MDFIC2: variants seen among roughly 807,000 people sequenced by gnomAD.
MDFIC2 encodes the protein myoD family inhibitor domain-containing protein 2.
intron 2 of MDFIC2, among the ~76,000 whole-genome samples, chr3:70,283,403 G>T (rs1356050332): frequency 2.0e-5 from 3 of 152,062 alleles, no homozygotes; most frequent in Non-Finnish European, 4.4e-5. Flanking sequence ...TCAGGCTGAC[G>T]AATACTGAAA....
intron 2 of MDFIC2, among the ~76,000 whole-genome samples, chr3:70,299,501 A>G (rs1293488113): frequency 6.6e-6 from 1 of 152,120 alleles, no homozygotes; most frequent in East Asian, 1.9e-4. Context: ...TTCCCATTGA[A>G]TCCAGAAATC....
intron 2 of MDFIC2, among the ~76,000 whole-genome samples, chr3:70,283,420 CT>C (rs1702108622): frequency 1.3e-5 from 2 of 152,070 alleles, no homozygotes; most frequent in Admixed American, 6.6e-5. Flanking sequence ...GAAATTCTCC[CT>C]GGATACTGTA....
intron 2 of MDFIC2, among the ~76,000 whole-genome samples, chr3:70,285,107 G>A (rs1214774148): frequency 5.4e-5 from 8 of 148,232 alleles, no homozygotes; most frequent in Non-Finnish European, 3.0e-5. Context: ...TGCACATTGT[G>A]CAGGTTAGTT....
chr3:70,310,338 G>GTA (rs1395742269), intron 2 of MDFIC2, among the ~76,000 whole-genome samples: 1 of 151,606 alleles, frequency 6.6e-6, no homozygotes, highest in African/African-American at 2.4e-5. Context: ...TTTAAAATAA[G>GTA]TATATTTTTA....
chr3:70,286,300 G>T lies in MDFIC2; in HGVS notation c.88+25586C>A, dbSNP rs529103264. 6.5e-3 allele frequency among the ~76,000 whole-genome samples: 982 copies of T among 152,022 alleles called. 40 individuals are homozygous for T. The highest frequency in any genetic ancestry group is 2.2e-3 in the Non-Finnish European group (150 of 67,950). ...ATGGCTAGCCAGTTTTCCCAGCACC[G>T]TTTATTAAATAGGGAATCCTTTCCC... On this transcript the variant is annotated intron_variant, in intron 2 of 3. Transcript: ENST00000567252.
chr3:70,280,139 C>T (rs773413367), intron 2 of MDFIC2, among the ~76,000 whole-genome samples: 1 of 152,120 alleles, frequency 6.6e-6, no homozygotes, highest in Non-Finnish European at 1.5e-5. Context: ...GGGCTGCCTG[C>T]ATTTCCTGAC....
At chr3:70,270,099 T>C (rs1220316690) in intron 2 of MDFIC2, among the ~76,000 whole-genome samples, 11 of 152,202 alleles carry the variant, frequency 7.2e-5, no homozygotes, top group Admixed American at 7.2e-4. Context: ...AGAAATCTAA[T>C]GATGCCATCC....
intron 2 of MDFIC2, among the ~76,000 whole-genome samples, chr3:70,305,337 C>T (rs1324852127): frequency 6.6e-6 from 1 of 152,038 alleles, no homozygotes; most frequent in Non-Finnish European, 1.5e-5. Context: ...ATGAAAACTA[C>T]AGAAATAAGA....
chr3:70,222,043 G>A (rs1701465186), intron 2 of MDFIC2, among the ~76,000 whole-genome samples: 1 of 152,074 alleles, frequency 6.6e-6, no homozygotes, highest in Non-Finnish European at 1.5e-5. Context: ...ATCCCACTTA[G>A]TAAATAACAA....
intron 2 of MDFIC2, among the ~76,000 whole-genome samples, chr3:70,234,864 AT>A (rs1461733938): frequency 6.6e-6 from 1 of 152,094 alleles, no homozygotes; most frequent in Non-Finnish European, 1.5e-5. Context: ...CTTCTCACTT[AT>A]TCAAATCTTG....
intron 2 of MDFIC2, among the ~76,000 whole-genome samples, chr3:70,280,297 C>T (rs187183043): frequency 2.0e-5 from 3 of 152,234 alleles, no homozygotes; most frequent in East Asian, 3.9e-4. Context: ...AATCTCTCCA[C>T]GTCAGGATCC....
At chr3:70,293,811 A>G (rs1575618323) in intron 2 of MDFIC2, among the ~76,000 whole-genome samples, 2 of 152,108 alleles carry the variant, frequency 1.3e-5, no homozygotes, top group African/African-American at 4.8e-5. Context: ...AAAAGACCTT[A>G]GGAACCTGGT....
At chr3:70,257,453 G>A (rs928859513) in intron 2 of MDFIC2, among the ~76,000 whole-genome samples, 8 of 152,006 alleles carry the variant, frequency 5.3e-5, no homozygotes, top group Non-Finnish European at 1.5e-5. Context: ...TCACAAATGA[G>A]CAGAGCTGTA....
intron 2 of MDFIC2, among the ~76,000 whole-genome samples, chr3:70,260,155 T>C (rs1447166099): frequency 3.9e-5 from 6 of 152,190 alleles, no homozygotes; most frequent in Admixed American, 1.3e-4. Flanking sequence ...GGCAGAGCCA[T>C]GTTCCCTCTG....
chr3:70,199,374 A>G (rs181186009), intron 3 of MDFIC2, among the ~76,000 whole-genome samples: 1 of 150,150 alleles, frequency 6.7e-6, no homozygotes, highest in African/African-American at 2.4e-5. Context: ...GATTTTATTT[A>G]CAAAAGAAAA....
chr3:70,295,483 A>G (rs577101850), intron 2 of MDFIC2, among the ~76,000 whole-genome samples: 2 of 152,056 alleles, frequency 1.3e-5, no homozygotes, highest in Non-Finnish European at 2.9e-5. Flanking sequence ...TGAGATAATC[A>G]CTTGAGGCCA....
intron 2 of MDFIC2, among the ~76,000 whole-genome samples, chr3:70,275,324 C>T (rs1702013112): frequency 6.6e-6 from 1 of 152,024 alleles, no homozygotes; most frequent in Admixed American, 6.6e-5. Context: ...GCCCAGGCAA[C>T]ATAGTAAGAC....
chr3:70,260,896 A>G (rs1322575340), intron 2 of MDFIC2, among the ~76,000 whole-genome samples: 3 of 152,102 alleles, frequency 2.0e-5, no homozygotes, highest in African/African-American at 4.8e-5. Context: ...TCCTGCTGAG[A>G]TCAGGACCAA....
intron 2 of MDFIC2, among the ~76,000 whole-genome samples, chr3:70,213,639 GA>G (rs1701372304): frequency 6.6e-6 from 1 of 152,098 alleles, no homozygotes; most frequent in African/African-American, 2.4e-5. Flanking sequence ...ACTGTATAGA[GA>G]AAAAAAGTTT....
Sources: gnomAD v4.1 joint callset for allele counts (sites outside exome capture counted in the v4.1 genomes callset) on GRCh38, gnomAD v4.1.1 for gene constraint, MANE v1.5 for transcripts, NCBI Gene and HGNC (gene_info 2026-07-23, HGNC 2026-07-21) for gene names.